The following ABR variants were observed in gnomAD, a reference collection of about 807,000 sequenced individuals.
The protein encoded by ABR is ABR activator of RhoGEF and GTPase, also known as active breakpoint cluster region-related protein.
ABR carries 35 observed loss-of-function variants against 107.2 expected under a neutral mutation model. That is an observed-to-expected ratio of 0.33 (90% CI 0.25 to 0.43). The LOEUF (loss-of-function observed/expected upper bound fraction) is 0.43, where lower values mean the gene tolerates loss of function less well. Among genes scored for constraint, ABR ranks in the 20% least tolerant of loss-of-function variants. ABR has a pLI of 1.00. For synonymous variants in ABR, 498 were observed against 462.0 expected, an observed-to-expected ratio of 1.08 and a Z score of -1.00; for missense variants, 815 against 1,115.2, an observed-to-expected ratio of 0.73 and a Z score of 3.83.
chr17:1,212,437 G>GA (rs145737401), intron 1 of ABR, among the ~76,000 whole-genome samples: 14 of 148,618 alleles, frequency 9.4e-5, no homozygotes, highest in East Asian at 4.0e-4. Flanking sequence ...TCTCAAAAGA[G>GA]AAAAAAAAAC....
intron 1 of ABR, among the ~76,000 whole-genome samples, chr17:1,145,683 C>G (rs2040498467): frequency 6.6e-6 from 1 of 152,190 alleles, no homozygotes; most frequent in South Asian, 2.1e-4. Context: ...ACAAGTAATG[C>G]CAGGTCCAGA....
chr17:1,187,431 A>C (rs563669562), upstream of ABR: 2 of 152,290 alleles, frequency 1.3e-5, no homozygotes, highest in South Asian at 2.1e-4. Flanking sequence ...AGCGGCCCGC[A>C]AGTGCCTGGA....
chr17:1,043,123 G>A lies in ABR; in HGVS notation c.1791+6927C>T, dbSNP rs111243058. Among the ~76,000 whole-genome samples the A allele has an allele frequency of 2.0e-3, 306 of 152,244 alleles. 3 individuals carry two copies. The highest frequency in any genetic ancestry group is 6.3e-3 in the African/African-American group (262 of 41,540). The stretch of plus-strand genomic sequence containing the variant: ...AGTTCTGGATATGCACACTGGCAAC[G>A]GCTGCACAGCACCAAATCCACCTAT... On this transcript the variant is annotated intron_variant, in intron 16 of 22. Coordinates refer to ENST00000302538, the MANE Select transcript of ABR (RefSeq NM_021962.5).
chr17:1,082,691 C>T (rs1234908297), intron 5 of ABR, among the ~76,000 whole-genome samples: 1 of 152,212 alleles, frequency 6.6e-6, no homozygotes, highest in Non-Finnish European at 1.5e-5. Flanking sequence ...CTCAAGACTT[C>T]CCTGTCATAA....
intron 3 of ABR, 84 bp from the exon 4 acceptor site, chr17:1,091,934 C>G: frequency 2.9e-6 from 4 of 1,388,582 alleles, no homozygotes; most frequent in Non-Finnish European, 3.0e-6. Flanking sequence ...ATCGTTAGCC[C>G]TTCCCGCTGC....
Position 1,170,341 on chromosome 17 carries a change from C to T in ABR, c.61+9326G>A, listed in dbSNP as rs575055480. ...AGCACCGCTGTGAAGGGTAAGAGTG[C>T]GGGAGAAAGAACACAGTTTACAGCA... On this transcript the variant is annotated intron_variant, in intron 1 of 22. Transcript: ENST00000302538. 9.9e-5 allele frequency among the ~76,000 whole-genome samples: 15 copies of T among 152,202 alleles called. No homozygotes were observed. The East Asian group carries it at 2.9e-3, about 29-fold the overall frequency.
intron 9 of ABR, among the ~76,000 whole-genome samples, chr17:1,068,138 G>C (rs1428046986): frequency 6.6e-6 from 1 of 152,142 alleles, no homozygotes; most frequent in Non-Finnish European, 1.5e-5. Context: ...TTGCCATGTT[G>C]GCCAGGCTGG....
In ABR at chr17:1,146,413, T is replaced by C. The variant is rs117396115; in HGVS notation, c.62-21046A>G. On this transcript the variant is annotated intron_variant, in intron 1 of 22. Coordinates refer to ENST00000302538, the MANE Select transcript of ABR (RefSeq NM_021962.5). ...CACAGCCATCACTTGGAGGCTGTGG[T>C]CCTGAGCTCTGGCTTCCCCAAAGGT... is the stretch of plus-strand genomic sequence containing the variant. Among the ~76,000 whole-genome samples, 649 of 152,154 alleles carry C rather than the reference T, an allele frequency of 4.3e-3. 31 individuals are homozygous for C. The East Asian group carries it at 0.11, about 25-fold the overall frequency.
intron 4 of ABR, among the ~76,000 whole-genome samples, chr17:1,087,260 C>T (rs1373929074): frequency 1.3e-5 from 2 of 152,242 alleles, no homozygotes; most frequent in African/African-American, 4.8e-5. Context: ...CCGGACCACT[C>T]TGCTTTCTGC....
intron 6 of ABR, chr17:1,079,055 GGAGGA>G: frequency 7.0e-7 from 1 of 1,437,446 alleles, no homozygotes; most frequent in Non-Finnish European, 9.1e-7. Context: ...AAGGGGAAGG[GGAGGA>G]GGGGTAGGGA....
chr17:1,183,801 CAGTG>C (rs1328874702), upstream of ABR, among the ~76,000 whole-genome samples: 1 of 152,076 alleles, frequency 6.6e-6, no homozygotes, highest in Non-Finnish European at 1.5e-5. Context: ...GCTGAATACA[CAGTG>C]GGTGGGAGGG....
chr17:1,117,609 T>C (rs1597874628), intron 2 of ABR, among the ~76,000 whole-genome samples: 1 of 31,008 alleles, frequency 3.2e-5, no homozygotes, highest in Admixed American at 3.4e-4. Context: ...GAGCCCGAGT[T>C]CCTCCCAGCG....
At chr17:1,014,402 C>A (rs1437762045) in intron 16 of ABR, among the ~76,000 whole-genome samples, 1 of 147,676 alleles carries the variant, frequency 6.8e-6, no homozygotes, top group Non-Finnish European at 1.5e-5. Flanking sequence ...GATCGCGCCA[C>A]TGCACTCCAG....
chr17:1,062,062 G>C (rs1052406330), intron 10 of ABR, among the ~76,000 whole-genome samples: 2 of 152,206 alleles, frequency 1.3e-5, no homozygotes, highest in Admixed American at 1.3e-4. Context: ...TGTCAGAGAA[G>C]CTTCCCAGGG....
At position 1,179,747 on chromosome 17, in the gene ABR, C is replaced by G; in HGVS notation, c.-20G>C. The G allele has an allele frequency of 6.7e-7, 1 of 1,497,680 alleles. No homozygotes were observed. The highest frequency in any genetic ancestry group is 1.3e-5 in the South Asian group (1 of 78,550). 92.8% of individuals were successfully genotyped at this position (1,497,680 alleles called of 1,614,324 possible). A position where few individuals can be genotyped will look rare whatever the true frequency, so the allele number is the denominator to read the frequency against. On this transcript the variant is annotated 5_prime_UTR_variant, in exon 1 of 23. The change abolishes the stop of an existing upstream ORF in the 5' untranslated region. Transcript: ENST00000302538. This position sits in a 1 kb window ranked among gnomAD's most constrained non-coding sequence, Gnocchi z 4.9. ...CTCCATCCCGCGGCGGCGGCTCGGT[C>G]AGATCCGAAACCCGACCCTCATCGC...
rs12453277 is a variant in ABR at position 1,023,210 on chromosome 17, A to G, written c.1792-10046T>C. On this transcript the variant is annotated intron_variant, in intron 16 of 22. Transcript: ENST00000302538. ...TCTGCCGGCCCCACGTCCACTCCAG[A>G]GCCTCTGCCTGCCCTGGCACCCACT... 1.5e-5 allele frequency among the ~76,000 whole-genome samples: 2 copies of G among 134,838 alleles called. 1 individual carries two copies. Among genetic ancestry groups the G allele is most frequent in the African/African-American group, 5.8e-5 (2 of 34,274 alleles). The allele number at this position is 134,838 out of a possible 152,430, so 88.5% of individuals were successfully genotyped here. A position where few individuals can be genotyped will look rare whatever the true frequency, so the allele number is the denominator to read the frequency against.
chr17:1,134,303 C>T lies in ABR; in HGVS notation c.62-8936G>A, dbSNP rs140480882. On this transcript the variant is annotated intron_variant, in intron 1 of 22. Coordinates refer to ENST00000302538, the MANE Select transcript of ABR (RefSeq NM_021962.5). Reference sequence around the variant, plus strand: ...TTGCACACACCTGTAATCCCAGCTACGCAGGAGGCTGAGGCAGGAGATCAC... The same window carrying T: ...TTGCACACACCTGTAATCCCAGCTATGCAGGAGGCTGAGGCAGGAGATCAC... Among the ~76,000 whole-genome samples, 156 of 152,144 alleles carry T rather than the reference C, an allele frequency of 1.0e-3. 3 individuals are homozygous for T. In the East Asian group the frequency reaches 0.025, roughly 25 times the overall value.
upstream of ABR, among the ~76,000 whole-genome samples, chr17:1,184,629 A>G (rs1368490480): frequency 2.0e-5 from 3 of 151,346 alleles, no homozygotes; most frequent in African/African-American, 7.3e-5. Context: ...ATGCACATTG[A>G]ACAAATAAAA....
intron 1 of ABR, among the ~76,000 whole-genome samples, chr17:1,164,934 C>T (rs1366369825): frequency 6.6e-6 from 1 of 152,132 alleles, no homozygotes; most frequent in Non-Finnish European, 1.5e-5. Context: ...ATATGCCCAG[C>T]CATATGGGAT....
Sources: gnomAD v4.1 joint callset for allele counts (sites outside exome capture counted in the v4.1 genomes callset) on GRCh38, gnomAD v4.1.1 for gene constraint, Gnocchi (gnomAD v3.1) non-coding constraint, MANE v1.5 for transcripts, NCBI Gene and HGNC (gene_info 2026-07-23, HGNC 2026-07-21) for gene names.